Variants in CFI observed in about 807,000 individuals in gnomAD.
CFI encodes C3B/C4B inactivator.
A neutral mutation model predicts 78.8 loss-of-function variants in CFI; 66 were observed. The ratio of observed to expected loss-of-function variants is 0.84; its 90% CI spans 0.69 to 1.03. CFI has a LOEUF of 1.03. Among genes scored for constraint, CFI ranks in the 50% least tolerant of loss-of-function variants. The pLI, the probability that CFI is intolerant of heterozygous loss-of-function variation, is 0.00. For synonymous variants in CFI, 250 were observed against 232.6 expected (o/e 1.07, Z -0.68); for missense variants, 706 against 704.5 (o/e 1.00, Z -0.02).
rs574196493 is a variant in CFI at position 109,755,687 on chromosome 4, C to T, written c.904+2076G>A. Reference sequence around the variant, plus strand: ...CCCTTGACAGATGTGGGACCTGCGACCTTGGACCTCACAACCTCCAAAACT... The same window carrying T: ...CCCTTGACAGATGTGGGACCTGCGATCTTGGACCTCACAACCTCCAAAACT... On this transcript the variant is annotated intron_variant, in intron 7 of 12. Coordinates refer to ENST00000394634, the MANE Select transcript of CFI (RefSeq NM_000204.5). Among the ~76,000 whole-genome samples, 26 of 152,246 alleles carry T rather than the reference C, an allele frequency of 1.7e-4. 2 individuals carry two copies. The South Asian group carries it at 4.6e-3, about 27-fold the overall frequency.
chr4:109,741,738 A>T (rs1480963566), intron 12 of CFI: 4 of 154,830 alleles, frequency 2.6e-5, no homozygotes, highest in African/African-American at 9.7e-5. Flanking sequence ...CTTACTCATG[A>T]TTTTCTGAGA....
chr4:109,793,470 C>T (rs966127065), intron 1 of CFI: 6 of 152,224 alleles, frequency 3.9e-5, no homozygotes, highest in African/African-American at 1.4e-4. Flanking sequence ...CAAGTAACTG[C>T]CAAATGTCCT....
At chr4:109,785,209 T>C (rs1405557421) in intron 1 of CFI, among the ~76,000 whole-genome samples, 1 of 152,080 alleles carries the variant, frequency 6.6e-6, no homozygotes, top group East Asian at 1.9e-4. Flanking sequence ...TTAAAAAGCT[T>C]TATTGCTCAC....
chr4:109,778,699 T>A (rs76592698), intron 1 of CFI, among the ~76,000 whole-genome samples: 61 of 152,242 alleles, frequency 4.0e-4, no homozygotes, highest in African/African-American at 1.2e-3. Context: ...CTTAGACCAA[T>A]ATCCCTGAGG....
intron 1 of CFI, among the ~76,000 whole-genome samples, chr4:109,778,714 C>G (rs1026501721): frequency 6.6e-6 from 1 of 152,114 alleles, no homozygotes; most frequent in African/African-American, 2.4e-5. Context: ...CTGAGGAATA[C>G]TGATGCAAAA....
intron 11 of CFI, among the ~76,000 whole-genome samples, chr4:109,743,834 C>CA (rs879592233): frequency 3.3e-5 from 5 of 151,924 alleles, no homozygotes; most frequent in Non-Finnish European, 7.4e-5. Context: ...CCCATCTCTA[C>CA]AAAAAATACA....
chr4:109,760,737 ACTTC>A, intron 4 of CFI, 101 bp from the exon 5 acceptor site: 1 of 746,796 alleles, frequency 1.3e-6, no homozygotes, highest in Non-Finnish European at 2.4e-6. Context: ...AGAAAGTTAA[ACTTC>A]AAAAAAATGT....
chr4:109,798,666 CTT>C (rs2125877399), intron 1 of CFI, among the ~76,000 whole-genome samples: 1 of 151,900 alleles, frequency 6.6e-6, no homozygotes, highest in African/African-American at 2.4e-5. Context: ...TTGGTTGACA[CTT>C]TGACTCTTAC....
intron 8 of CFI, among the ~76,000 whole-genome samples, chr4:109,751,678 T>C (rs1725157140): frequency 6.6e-6 from 1 of 152,120 alleles, no homozygotes; most frequent in Non-Finnish European, 1.5e-5. Flanking sequence ...TGACCTGAAG[T>C]AATCCGCCTG....
At chr4:109,749,698 C>A in intron 8 of CFI, 96 bp from the exon 9 acceptor site, 1 of 779,850 alleles carries the variant, frequency 1.3e-6, no homozygotes, top group South Asian at 1.4e-5. Context: ...ACAGGAGAGT[C>A]ACAGCCAGTA....
chr4:109,739,188 A>G (rs1262165038), downstream of CFI, among the ~76,000 whole-genome samples: 2 of 152,150 alleles, frequency 1.3e-5, no homozygotes, highest in Non-Finnish European at 2.9e-5. Context: ...ATCAGTAGGG[A>G]TCTATCCAAG....
At chr4:109,770,487 T>C (rs1191281884) in intron 1 of CFI, among the ~76,000 whole-genome samples, 1 of 145,410 alleles carries the variant, frequency 6.9e-6, no homozygotes, top group Non-Finnish European at 1.5e-5. Context: ...ACCCGGGAGG[T>C]GGAGTTTGCA....
chr4:109,740,365 G>GAAAGAGAGAAAAGATGAGAAAGAAA (rs1561280062), downstream of CFI, among the ~76,000 whole-genome samples: 2 of 151,644 alleles, frequency 1.3e-5, no homozygotes, highest in African/African-American at 4.9e-5. Flanking sequence ...AAAGAAAGAA[G>GAAAGAGAGAAAAGATGAGAAAGAAA]GAAAGAGAGA....
At chr4:109,788,591 T>C (rs931551204) in intron 1 of CFI, among the ~76,000 whole-genome samples, 1 of 152,072 alleles carries the variant, frequency 6.6e-6, no homozygotes, top group African/African-American at 2.4e-5. Context: ...GAATATGAAT[T>C]GCAAAACTAA....
intron 1 of CFI, among the ~76,000 whole-genome samples, chr4:109,768,737 T>C (rs1253429845): frequency 6.6e-6 from 1 of 152,190 alleles, no homozygotes; most frequent in East Asian, 1.9e-4. Context: ...CTCAGTGCCC[T>C]GTAGCTGTGA....
intron 7 of CFI, among the ~76,000 whole-genome samples, 200 bp from the exon 8 acceptor site, chr4:109,752,703 T>G (rs1306228018): frequency 6.6e-6 from 1 of 150,806 alleles, no homozygotes; most frequent in African/African-American, 2.4e-5. Flanking sequence ...CAAGATGCAC[T>G]GTATAGAAAT....
rs1455199142 is a variant in CFI at position 109,792,792 on chromosome 4, C to T, written c.57+9123G>A. Among the ~76,000 whole-genome samples, 7 of 152,200 alleles carry T rather than the reference C, an allele frequency of 4.6e-5. No homozygotes were observed. The East Asian group carries it at 1.3e-3, about 29-fold the overall frequency. On this transcript the variant is annotated intron_variant, in intron 1 of 12. Coordinates refer to ENST00000394634, the MANE Select transcript of CFI (RefSeq NM_000204.5). ...ATTTTGTCTGGTATTAGTATAGCCA[C>T]TTTAGCTCTTTTTTGATTGTTATTT...
intron 1 of CFI, among the ~76,000 whole-genome samples, chr4:109,770,939 T>C (rs147698312): frequency 2.0e-5 from 3 of 152,332 alleles, no homozygotes; most frequent in Non-Finnish European, 4.4e-5. Context: ...GAGATGGTTG[T>C]ATGAACATGT....
At chr4:109,763,350 A>G (rs554531118) in intron 3 of CFI, among the ~76,000 whole-genome samples, 1 of 152,244 alleles carries the variant, frequency 6.6e-6, no homozygotes, top group African/African-American at 2.4e-5. Context: ...ATAATGCATA[A>G]TTTTCAAACC....
Sources: allele counts gnomAD v4.1 joint callset (sites outside exome capture counted in the v4.1 genomes callset), GRCh38; gene constraint gnomAD v4.1.1; transcripts MANE v1.5; gene names NCBI Gene and HGNC (gene_info 2026-07-23, HGNC 2026-07-21).